The following CNGB3 variants were observed in gnomAD, a reference collection of about 807,000 sequenced individuals.
CNGB3 encodes cyclic nucleotide gated channel subunit beta 3.
Under a neutral mutation model 92.8 loss-of-function variants are expected in CNGB3, and 86 were observed. The observed-to-expected ratio is 0.93, with a 90% CI of 0.78 to 1.11. The LOEUF is 1.11. Ranked by LOEUF, CNGB3 falls within the 50% of genes least tolerant of loss-of-function variation. The pLI, the probability that CNGB3 is intolerant of heterozygous loss-of-function variation, is 0.00. For synonymous variants in CNGB3, 333 were observed against 332.7 expected, an observed-to-expected ratio of 1.00 and a Z score of -0.01; for missense variants, 1,026 against 956.8, an observed-to-expected ratio of 1.07 and a Z score of -0.95.
intron 3 of CNGB3, among the ~76,000 whole-genome samples, chr8:86,694,694 A>C (rs1334678084): frequency 6.7e-6 from 1 of 149,316 alleles, no homozygotes; most frequent in Non-Finnish European, 1.5e-5. Flanking sequence ...CCCACATCTC[A>C]GACGATGGGT....
intron 17 of CNGB3, among the ~76,000 whole-genome samples, chr8:86,578,194 C>T (rs1368158920): frequency 6.6e-6 from 1 of 152,124 alleles, no homozygotes; most frequent in Non-Finnish European, 1.5e-5. Context: ...CAGGTGTGAG[C>T]CACCGCACCC....
intron 3 of CNGB3, among the ~76,000 whole-genome samples, chr8:86,677,324 A>G (rs1256227633): frequency 6.6e-6 from 1 of 152,246 alleles, no homozygotes; most frequent in Non-Finnish European, 1.5e-5. Flanking sequence ...ACTCATATGG[A>G]AGCATAAGTT....
At chr8:86,635,791 G>A (rs1319094535) in intron 10 of CNGB3, among the ~76,000 whole-genome samples, 1 of 125,404 alleles carries the variant, frequency 8.0e-6, no homozygotes. Flanking sequence ...CTAATTATTA[G>A]CTATACAATG....
chr8:86,608,990 C>T (rs915142207), intron 14 of CNGB3, among the ~76,000 whole-genome samples: 6 of 152,192 alleles, frequency 3.9e-5, no homozygotes, highest in African/African-American at 1.2e-4. Flanking sequence ...ACTCTCTCAT[C>T]GCCGCACACA....
chr8:86,699,521 A>G (rs1824512860), intron 3 of CNGB3, among the ~76,000 whole-genome samples: 1 of 152,140 alleles, frequency 6.6e-6, no homozygotes, highest in Non-Finnish European at 1.5e-5. Flanking sequence ...ATGTTAATAT[A>G]TTGCATATAA....
intron 13 of CNGB3, among the ~76,000 whole-genome samples, chr8:86,613,736 T>C (rs1231677756): frequency 6.6e-6 from 1 of 151,734 alleles, no homozygotes; most frequent in Non-Finnish European, 1.5e-5. Context: ...AAATCAAAAA[T>C]GAAATTTTTA....
intron 1 of CNGB3, among the ~76,000 whole-genome samples, chr8:86,740,543 A>C (rs1190876331): frequency 1.3e-5 from 2 of 152,208 alleles, no homozygotes; most frequent in Non-Finnish European, 2.9e-5. Context: ...GTGACTGTAC[A>C]TAGGTGGGGA....
chr8:86,701,410 C>T (rs1387986313), intron 3 of CNGB3, among the ~76,000 whole-genome samples: 2 of 152,066 alleles, frequency 1.3e-5, no homozygotes, highest in East Asian at 3.9e-4. Flanking sequence ...AATAATATGC[C>T]ATAATTTTTG....
intron 6 of CNGB3, among the ~76,000 whole-genome samples, chr8:86,666,721 A>G (rs1011379563): frequency 6.6e-6 from 1 of 152,140 alleles, no homozygotes; most frequent in East Asian, 1.9e-4. Flanking sequence ...AAACTAAGGT[A>G]CAGGGAGATG....
At position 86,647,882 on chromosome 8, in the gene CNGB3, A is replaced by G. The variant is rs1323101334; in HGVS notation, c.909T>C (p.Asp303=). The G allele has an allele frequency of 6.3e-7, 1 of 1,585,884 alleles. No individual in the cohort carries two copies. The highest frequency in any genetic ancestry group is 1.7e-5 in the Admixed American group (1 of 59,692). ...TATCAAATGGTATTATTGATGCGAC[A>G]TCCAACTGTTGAAAGAACACATTCA... ...HYRTSTKFQL[D]VASIIPFDIC... is the part of the protein sequence containing the mutation. The change falls in exon 8 of 18, where the codon GAT becomes GAC. Residue 303 remains aspartate (D), a synonymous_variant. Coordinates refer to ENST00000320005, the MANE Select transcript of CNGB3 (RefSeq NM_019098.5).
chr8:86,626,051 T>C lies in CNGB3; in HGVS notation c.1510A>G (p.Thr504Ala), dbSNP rs140286824. The change falls in exon 13 of 18, where the codon ACT becomes GCT. Residue 504 changes from threonine (T) to alanine (A), a missense_variant. Transcript: ENST00000320005. ...DESDLLKTLP[T>A]TVQLALAIDV... Reference sequence around the variant, plus strand: ...ATGGCGAGGGCTAACTGGACCGTAGTTGGTAGGGTCTTAAGCAAATCAGAC... The same window carrying C: ...ATGGCGAGGGCTAACTGGACCGTAGCTGGTAGGGTCTTAAGCAAATCAGAC... The C allele has an allele frequency of 3.8e-4, 614 of 1,613,698 alleles. 6 individuals are homozygous for C. Among genetic ancestry groups the C allele is most frequent in the Non-Finnish European group, 7.8e-5 (92 of 1,179,758 alleles).
intron 6 of CNGB3, among the ~76,000 whole-genome samples, chr8:86,666,279 T>TA (rs948691610): frequency 6.6e-6 from 1 of 152,206 alleles, no homozygotes; most frequent in Non-Finnish European, 1.5e-5. Flanking sequence ...TTGATCTATT[T>TA]AAAAAACATT....
At chr8:86,638,841 TTTTG>T (rs1217512439) in intron 10 of CNGB3, among the ~76,000 whole-genome samples, 13 of 148,102 alleles carry the variant, frequency 8.8e-5, no homozygotes, top group Admixed American at 3.4e-4. Flanking sequence ...TTTTTTTTTG[TTTTG>T]TTTGTTTGTT....
At chr8:86,726,742 T>C (rs906137061) in intron 2 of CNGB3, 85 bp from the exon 3 acceptor site, 9 of 1,503,278 alleles carry the variant, frequency 6.0e-6, no homozygotes, top group Non-Finnish European at 8.3e-6. Flanking sequence ...ACAAAGATGC[T>C]GCTTGTTTTT....
chr8:86,658,708 G>T, intron 6 of CNGB3: 1 of 431,256 alleles, frequency 2.3e-6, no homozygotes, highest in Non-Finnish European at 4.3e-6. Flanking sequence ...TTCTTGATGT[G>T]CTGCTCCGAC....
intron 15 of CNGB3, among the ~76,000 whole-genome samples, chr8:86,598,404 G>A (rs578147012): frequency 6.6e-6 from 1 of 152,332 alleles, no homozygotes; most frequent in South Asian, 2.1e-4. Flanking sequence ...TCCATGTAGG[G>A]TGAAGTAGAG....
intron 3 of CNGB3, among the ~76,000 whole-genome samples, chr8:86,674,757 T>TTG (rs1380461765): frequency 4.6e-5 from 7 of 152,006 alleles, no homozygotes; most frequent in South Asian, 2.1e-4. Flanking sequence ...AATTTAACTT[T>TTG]TGTGTGTGTG....
At chr8:86,644,803 A>T in intron 8 of CNGB3, 117 bp from the exon 9 acceptor site, 2 of 713,512 alleles carry the variant, frequency 2.8e-6, no homozygotes, top group South Asian at 4.6e-5. Flanking sequence ...ATGTCTTTTT[A>T]AAAAAACCAA....
At chr8:86,693,949 A>G (rs545297050) in intron 3 of CNGB3, among the ~76,000 whole-genome samples, 35 of 151,980 alleles carry the variant, frequency 2.3e-4, no homozygotes, top group Admixed American at 2.0e-3. Flanking sequence ...CCCGTTCTCA[A>G]TGAGCCATTG....
Sources: gnomAD v4.1 joint callset for allele counts (sites outside exome capture counted in the v4.1 genomes callset) on GRCh38, gnomAD v4.1.1 for gene constraint, MANE v1.5 for transcripts, NCBI Gene and HGNC (gene_info 2026-07-23, HGNC 2026-07-21) for gene names.